Variants in CECR2 observed in about 807,000 individuals in gnomAD.
CECR2 encodes CECR2 histone acetyl-lysine reader.
CECR2 carries 30 observed loss-of-function variants against 154.5 expected under a neutral mutation model. The ratio of observed to expected loss-of-function variants is 0.19; its 90% confidence interval spans 0.15 to 0.26. The LOEUF is 0.26. Among genes scored for constraint, CECR2 ranks in the 10% least tolerant of loss-of-function variants. The pLI is 1.00. For missense variants in CECR2, 1,743 were observed against 1,829.3 expected, an observed-to-expected ratio of 0.95 and a Z score of 0.86; for synonymous variants, 725 against 683.7, an observed-to-expected ratio of 1.06 and a Z score of -0.94.
chr22:17,496,593 T>C (rs537154545), intron 2 of CECR2, among the ~76,000 whole-genome samples: 2 of 152,352 alleles, frequency 1.3e-5, no homozygotes, highest in South Asian at 4.1e-4. Context: ...TATGAAATTA[T>C]AGTTGCATAT....
rs865863983 is a variant in CECR2, at chr22:17,542,812, A to G, written c.2669A>G (p.Gln890Arg). The change falls in exon 16 of 19, where the codon CAG (glutamine) becomes CGG (arginine). Residue 890 changes from glutamine (Q) to arginine (R), a missense_variant. Physicochemically the swap from Gln to Arg is conservative, Grantham distance 43. Around this residue, in one of 4 missense-constraint regions of CECR2, gnomAD observed 1,250 missense variants for 1,192.1 expected, o/e 1.05. Coordinates refer to ENST00000262608, the MANE Select transcript of CECR2 (RefSeq NM_001290047.2). ...MDSPEMIAMQ[Q>R]LSSRVCPPGV... ...AGCCCAGAGATGATTGCGATGCAGCAGCTCTCCTCCCGCGTCTGCCCCCCA... is the reference window on the plus strand; with the variant it reads ...AGCCCAGAGATGATTGCGATGCAGCGGCTCTCCTCCCGCGTCTGCCCCCCA... 12 of 1,613,900 alleles carry G rather than the reference A, an allele frequency of 7.4e-6. No homozygotes were observed. The highest frequency in any genetic ancestry group is 5.3e-5 in the African/African-American group (4 of 75,022).
At chr22:17,371,014 T>C (rs1176820674) in intron 1 of CECR2, among the ~76,000 whole-genome samples, 1 of 152,176 alleles carries the variant, frequency 6.6e-6, no homozygotes, top group Non-Finnish European at 1.5e-5. Context: ...AGCCACTCTT[T>C]TGGAAGAGCA....
At position 17,518,596 on chromosome 22, in the gene CECR2, A is replaced by G. The variant is rs16982598; in HGVS notation, c.955-5522A>G. On this transcript the variant is annotated intron_variant, in intron 8 of 18. Transcript: ENST00000262608. ...TCCTTCCATTGCAGCTGTCACGTCT[A>G]TCTTTAGGACGGATGGTTTCCCCAT... 8.8e-3 allele frequency: 3,130 copies of G among 357,504 alleles called. 94 individuals are homozygous for G. The highest frequency in any genetic ancestry group is 0.063 in the African/African-American group (2,914 of 46,548). The allele number at this position is 357,504 out of a possible 1,614,324, so 22.1% of individuals were successfully genotyped here. A position where few individuals can be genotyped will look rare whatever the true frequency, so the allele number is the denominator to read the frequency against.
intron 4 of CECR2, among the ~76,000 whole-genome samples, chr22:17,500,208 C>CA (rs5844315): frequency 0.027 from 3,130 of 115,882 alleles, 114 homozygotes; most frequent in African/African-American, 0.09. Context: ...GAGACTCCAT[C>CA]AAAAAAAAAA....
chr22:17,483,362 C>T (rs1328421190), intron 2 of CECR2, among the ~76,000 whole-genome samples: 1 of 152,134 alleles, frequency 6.6e-6, no homozygotes, highest in East Asian at 1.9e-4. Context: ...GAGTTCGAGA[C>T]CAGCCTGGGC....
Position 17,548,671 on chromosome 22 carries a change from T to C in CECR2, c.3384T>C (p.Asn1128=), listed in dbSNP as rs1299701735. Residue 1128 remains asparagine, a synonymous_variant, in exon 17 of 19, where the codon AAT becomes AAC. Transcript: ENST00000262608. ...PLYMPGLEYP[N]SAAHYHISPG... is the part of the protein sequence containing the mutation. ...ATATGCCTGGCCTAGAGTACCCGAA[T>C]TCAGCTGCCCATTACCACATCAGTC... 2.1e-5 allele frequency: 34 copies of C among 1,613,338 alleles called. No homozygotes were observed. The highest frequency in any genetic ancestry group is 4.2e-6 in the Non-Finnish European group (5 of 1,179,734).
At chr22:17,485,569 G>A (rs781178502) in intron 2 of CECR2, among the ~76,000 whole-genome samples, 1 of 152,168 alleles carries the variant, frequency 6.6e-6, no homozygotes, top group Non-Finnish European at 1.5e-5. Context: ...AGGAGTTCGA[G>A]ACCAGCCTGG....
At chr22:17,433,063 C>T (rs2054450976) in intron 1 of CECR2, among the ~76,000 whole-genome samples, 1 of 152,184 alleles carries the variant, frequency 6.6e-6, no homozygotes, top group Admixed American at 6.5e-5. Context: ...TTCTGGTTGC[C>T]TAAGTACTGC....
intron 2 of CECR2, among the ~76,000 whole-genome samples, chr22:17,480,731 A>G (rs1247646792): frequency 1.3e-5 from 2 of 152,144 alleles, no homozygotes; most frequent in Admixed American, 6.6e-5. Context: ...AAACTGTTCT[A>G]TGCAGCTTAA....
In CECR2 at chr22:17,370,470, C is replaced by T. The variant is rs547943128; in HGVS notation, c.126+561C>T. On this transcript the variant is annotated intron_variant, in intron 1 of 18. Coordinates refer to ENST00000262608, the MANE Select transcript of CECR2 (RefSeq NM_001290047.2). ...GGAGGCGCTCCGGCCAACTTCGGGC[C>T]GGTGGGGACCGGGCCTGGGCGCGGG... 6.1e-3 allele frequency among the ~76,000 whole-genome samples: 921 copies of T among 151,936 alleles called. 5 individuals carry two copies. Among genetic ancestry groups the T allele is most frequent in the African/African-American group, 0.021 (865 of 41,500 alleles).
chr22:17,483,301 T>C (rs1033048916), intron 2 of CECR2, among the ~76,000 whole-genome samples: 2 of 152,190 alleles, frequency 1.3e-5, no homozygotes, highest in Admixed American at 1.3e-4. Context: ...GGCTCATGCC[T>C]GTAATCCCAG....
Position 17,548,969 on chromosome 22 carries a change from A to C in CECR2, c.3682A>C (p.Ser1228Arg). 1 of 1,613,952 alleles carries C rather than the reference A, an allele frequency of 6.2e-7. No individual in the cohort carries two copies. Among genetic ancestry groups the C allele is most frequent in the Non-Finnish European group, 8.5e-7 (1 of 1,179,882 alleles). Residue 1228 changes from serine (S) to arginine (R), a missense_variant, in exon 17 of 19, where the codon AGT (serine) becomes CGT (arginine). Coordinates refer to ENST00000262608, the MANE Select transcript of CECR2 (RefSeq NM_001290047.2). ...PQGSPSGPPA[S>R]QPPPPRSLFS... ...GGGAAGCCCAAGCGGACCCCCAGCC[A>C]GTCAGCCTCCCCCACCAAGGTCCCT...
intron 1 of CECR2, among the ~76,000 whole-genome samples, chr22:17,421,531 C>T (rs113110990): frequency 0.089 from 12,387 of 139,928 alleles, 1,747 homozygotes; most frequent in African/African-American, 0.3. Flanking sequence ...AGGAGAATGG[C>T]GTGAACCCGG....
intron 1 of CECR2, among the ~76,000 whole-genome samples, chr22:17,404,727 C>T (rs191599614): frequency 6.6e-6 from 1 of 152,308 alleles, no homozygotes; most frequent in East Asian, 1.9e-4. Flanking sequence ...GACAATATCA[C>T]AGTATCTTAA....
intron 3 of CECR2, 111 bp from the exon 4 acceptor site, chr22:17,499,299 A>G (rs540624900): frequency 1.5e-6 from 2 of 1,351,734 alleles, no homozygotes; most frequent in South Asian, 2.8e-5. Context: ...ATACTTGGGC[A>G]TTTTTAGATT....
chr22:17,452,253 C>T (rs1352423001), intron 1 of CECR2, among the ~76,000 whole-genome samples: 3 of 151,990 alleles, frequency 2.0e-5, no homozygotes, highest in South Asian at 4.2e-4. Context: ...TTGTATTTTT[C>T]GTAGAGACAG....
chr22:17,551,696 G>A (rs1451059021), intron 17 of CECR2, among the ~76,000 whole-genome samples: 1 of 152,106 alleles, frequency 6.6e-6, no homozygotes, highest in African/African-American at 2.4e-5. Flanking sequence ...TACTCAGGAG[G>A]GTGAGGCAGG....
chr22:17,493,762 C>T (rs933136334), intron 2 of CECR2, among the ~76,000 whole-genome samples: 3 of 152,230 alleles, frequency 2.0e-5, no homozygotes, highest in African/African-American at 4.8e-5. Context: ...AAAGGAGCAG[C>T]ACTGCGGATG....
intron 8 of CECR2, among the ~76,000 whole-genome samples, chr22:17,519,680 A>G (rs933184486): frequency 6.6e-6 from 1 of 152,228 alleles, no homozygotes; most frequent in African/African-American, 2.4e-5. Flanking sequence ...TCATTACAGA[A>G]AAAGAATTAT....
Sources: allele counts gnomAD v4.1 joint callset (sites outside exome capture counted in the v4.1 genomes callset), GRCh38; gene constraint gnomAD v4.1.1; regional missense constraint gnomAD v4.1.1; transcripts MANE v1.5; gene names NCBI Gene and HGNC (gene_info 2026-07-23, HGNC 2026-07-21).